The following NYAP2 variants were observed in gnomAD, a reference collection of about 807,000 sequenced individuals.
The protein encoded by NYAP2 is neuronal tyrosine-phosphorylated phosphoinositide-3-kinase adapter 2.
Under a neutral mutation model 50.4 loss-of-function variants are expected in NYAP2, and 23 were observed. The ratio of observed to expected loss-of-function variants is 0.46; its 90% CI spans 0.33 to 0.65. NYAP2 has a LOEUF of 0.65. Among genes scored for constraint, NYAP2 ranks in the 30% least tolerant of loss-of-function variants. The pLI is 0.02. For synonymous variants in NYAP2, 394 were observed against 365.2 expected, an observed-to-expected ratio of 1.08 and a Z score of -0.90; for missense variants, 885 against 861.0, an observed-to-expected ratio of 1.03 and a Z score of -0.35.
chr2:225,523,699 G>T (rs1691105472), intron 4 of NYAP2, among the ~76,000 whole-genome samples: 1 of 151,946 alleles, frequency 6.6e-6, no homozygotes, highest in Non-Finnish European at 1.5e-5. Context: ...TTCATATAAT[G>T]AGTAAAACCA....
chr2:225,692,347 C>G, the NYAP2 span, among the ~76,000 whole-genome samples: 4 of 151,780 alleles, frequency 2.6e-5, no homozygotes, highest in African/African-American at 9.7e-5. Context: ...ATTGCTATTC[C>G]TTTGTTCTTT....
At chr2:225,451,636 A>G (rs554454845) in intron 3 of NYAP2, among the ~76,000 whole-genome samples, 1 of 152,342 alleles carries the variant, frequency 6.6e-6, no homozygotes, top group African/African-American at 2.4e-5. Flanking sequence ...ATTCTATTTC[A>G]TATTGATCAC....
chr2:225,479,956 T>C (rs532937204), intron 3 of NYAP2, among the ~76,000 whole-genome samples: 201 of 152,192 alleles, frequency 1.3e-3, no homozygotes, highest in Non-Finnish European at 2.6e-3. Flanking sequence ...GGTGAATATA[T>C]ATTAAGAAAT....
intron 3 of NYAP2, among the ~76,000 whole-genome samples, chr2:225,453,796 T>C (rs1487121733): frequency 6.6e-6 from 1 of 151,234 alleles, no homozygotes; most frequent in Non-Finnish European, 1.5e-5. Flanking sequence ...ACCTTCTGAG[T>C]AGTTGGGTTT....
intron 3 of NYAP2, among the ~76,000 whole-genome samples, chr2:225,480,577 G>T (rs957678793): frequency 6.6e-6 from 1 of 151,988 alleles, no homozygotes; most frequent in Non-Finnish European, 1.5e-5. Flanking sequence ...ATAGAAAGGC[G>T]AGTATTTGCG....
intron 5 of NYAP2, among the ~76,000 whole-genome samples, chr2:225,606,197 C>T (rs1454618760): frequency 6.6e-6 from 1 of 152,064 alleles, no homozygotes; most frequent in Non-Finnish European, 1.5e-5. Context: ...AACTGGTACC[C>T]AGGGGCTCAT....
intron 6 of NYAP2, among the ~76,000 whole-genome samples, chr2:225,645,115 G>T (rs72980404): frequency 6.6e-6 from 1 of 151,874 alleles, no homozygotes; most frequent in Non-Finnish European, 1.5e-5. Context: ...CAGGTTAGCC[G>T]TCCATGGTGG....
intron 5 of NYAP2, among the ~76,000 whole-genome samples, chr2:225,601,123 GTTT>G (rs71410364): frequency 5.0e-4 from 69 of 136,880 alleles, no homozygotes; most frequent in African/African-American, 1.4e-3. Context: ...CTGTGTTTAA[GTTT>G]TTTTTTTTTT....
intron 5 of NYAP2, among the ~76,000 whole-genome samples, chr2:225,624,349 G>T (rs765318435): frequency 3.3e-5 from 5 of 152,200 alleles, no homozygotes; most frequent in Non-Finnish European, 7.3e-5. Context: ...AAGCACACTA[G>T]AAACGGGGCA....
chr2:225,507,848 A>G (rs1331628531), intron 3 of NYAP2, among the ~76,000 whole-genome samples: 1 of 152,376 alleles, frequency 6.6e-6, no homozygotes, highest in East Asian at 1.9e-4. Context: ...CAATGCCGCT[A>G]TTAAACAGCT....
At chr2:225,703,557 ATTG>A in the NYAP2 span, 1 of 151,778 alleles carries the variant, frequency 6.6e-6, no homozygotes, top group Non-Finnish European at 1.5e-5. Context: ...TTGAAAATAA[ATTG>A]TTTTCTTTAG....
chr2:225,640,219 C>T (rs927583939), intron 6 of NYAP2, among the ~76,000 whole-genome samples: 5 of 152,178 alleles, frequency 3.3e-5, no homozygotes, highest in African/African-American at 9.7e-5. Context: ...CTGTTATCTT[C>T]GCTCTCTAAC....
chr2:225,470,636 T>C (rs1305254862), intron 3 of NYAP2, among the ~76,000 whole-genome samples: 3 of 152,230 alleles, frequency 2.0e-5, no homozygotes, highest in Non-Finnish European at 4.4e-5. Flanking sequence ...CAGGAAATTA[T>C]ACGTGCTGTC....
chr2:225,463,730 A>T (rs916164121), intron 3 of NYAP2, among the ~76,000 whole-genome samples: 1 of 152,242 alleles, frequency 6.6e-6, no homozygotes, highest in Admixed American at 6.5e-5. Context: ...GAAAATCCCT[A>T]TGCAGGTCTT....
chr2:225,676,642 C>A, the NYAP2 span, among the ~76,000 whole-genome samples: 3 of 152,104 alleles, frequency 2.0e-5, no homozygotes, highest in Non-Finnish European at 4.4e-5. Context: ...TCTTGTGAGA[C>A]CCATTCACTA....
chr2:225,425,049 T>G (rs1254541315), intron 3 of NYAP2, among the ~76,000 whole-genome samples: 1 of 152,128 alleles, frequency 6.6e-6, no homozygotes, highest in African/African-American at 2.4e-5. Flanking sequence ...CAACCTCAAC[T>G]ATAGAAACTT....
rs375503515 is a variant in NYAP2, at chr2:225,618,334, C to G, written c.1619-8583C>G. 5.3e-5 allele frequency among the ~76,000 whole-genome samples: 8 copies of G among 152,292 alleles called. 1 individual carries two copies. In the East Asian group the frequency reaches 1.5e-3, roughly 29 times the overall value. ...ATATTGTCCCAGGTCCTCATGTCAC[C>G]TAGTAGTCCACCTGTCCAGGTGCAG... is the stretch of plus-strand genomic sequence containing the variant. On this transcript the variant is annotated intron_variant, in intron 5 of 6. Transcript: ENST00000636099.
intron 4 of NYAP2, among the ~76,000 whole-genome samples, chr2:225,572,203 G>A (rs1692085500): frequency 6.6e-6 from 1 of 152,144 alleles, no homozygotes. Context: ...CCTCCAAACT[G>A]TTCCAACCTC....
chr2:225,661,698 T>C, the NYAP2 span, among the ~76,000 whole-genome samples: 2 of 151,366 alleles, frequency 1.3e-5, no homozygotes, highest in African/African-American at 4.8e-5. Context: ...TTGCCTCATA[T>C]ATAACTTCCT....
Sources: allele counts gnomAD v4.1 joint callset (sites outside exome capture counted in the v4.1 genomes callset), GRCh38; gene constraint gnomAD v4.1.1; transcripts MANE v1.5; gene names NCBI Gene and HGNC (gene_info 2026-07-23, HGNC 2026-07-21).